Variants in LRP1B observed in about 807,000 individuals in gnomAD.
LRP1B encodes the protein LDL receptor related protein 1B.
In LRP1B, 217 loss-of-function variants were observed where a neutral mutation model predicts 556.6. That is an observed-to-expected ratio of 0.39 (90% confidence interval 0.35 to 0.44). LRP1B has a LOEUF of 0.44. LRP1B is among the 20% of genes least tolerant of loss of function. LRP1B has a pLI of 1.00. For synonymous variants in LRP1B, 2,047 were observed against 1,865.8 expected (o/e 1.10, Z -2.50); for missense variants, 5,053 against 5,620.8 (o/e 0.90, Z 3.23).
chr2:141,130,036 C>T (rs957281595), intron 7 of LRP1B, among the ~76,000 whole-genome samples: 2 of 151,662 alleles, frequency 1.3e-5, no homozygotes, highest in African/African-American at 4.8e-5. Context: ...TACAAAAAAG[C>T]CATTAAAGTA....
chr2:141,582,613 ATT>A (rs5834845), intron 2 of LRP1B, among the ~76,000 whole-genome samples: 35 of 149,422 alleles, frequency 2.3e-4, no homozygotes, highest in Non-Finnish European at 3.6e-4. Context: ...GTATTTGAAG[ATT>A]TTTTTTTTTT....
chr2:140,594,783 C>T (rs899704860), intron 43 of LRP1B, among the ~76,000 whole-genome samples: 2 of 152,026 alleles, frequency 1.3e-5, no homozygotes, highest in African/African-American at 2.4e-5. Context: ...AATAAATGTT[C>T]CCTTCTGTAA....
intron 2 of LRP1B, among the ~76,000 whole-genome samples, chr2:141,624,838 C>T (rs188634551): frequency 0.011 from 1,721 of 152,184 alleles, 37 homozygotes; most frequent in African/African-American, 0.038. Flanking sequence ...GGCGCGATCT[C>T]GGCTCACTGC....
chr2:141,477,180 A>C (rs1682744426), intron 3 of LRP1B, among the ~76,000 whole-genome samples: 1 of 151,824 alleles, frequency 6.6e-6, no homozygotes, highest in African/African-American at 2.4e-5. Context: ...AAAAAACCAC[A>C]TCCATTTTTT....
Position 141,284,561 on chromosome 2 carries a change from C to T in LRP1B, c.344-29920G>A, listed in dbSNP as rs78732729. 6.8e-3 allele frequency among the ~76,000 whole-genome samples: 1,032 copies of T among 152,222 alleles called. 10 individuals are homozygous for T. Among genetic ancestry groups the T allele is most frequent in the African/African-American group, 0.023 (974 of 41,542 alleles). On this transcript the variant is annotated intron_variant, in intron 3 of 90. Transcript: ENST00000389484. ...GTTAGGAAAATTCCCACGCACAAAGCGTAGTTAAAAGATTTCCTCTAAAAG... is the reference window on the plus strand; with the variant it reads ...GTTAGGAAAATTCCCACGCACAAAGTGTAGTTAAAAGATTTCCTCTAAAAG...
chr2:141,224,950 C>T (rs1235506835), intron 6 of LRP1B, among the ~76,000 whole-genome samples: 1 of 151,938 alleles, frequency 6.6e-6, no homozygotes, highest in East Asian at 1.9e-4. Flanking sequence ...CCTGCACATC[C>T]TGCACATGTA....
At chr2:140,889,699 A>T (rs1346170474) in intron 23 of LRP1B, among the ~76,000 whole-genome samples, 1 of 152,206 alleles carries the variant, frequency 6.6e-6, no homozygotes, top group Non-Finnish European at 1.5e-5. Flanking sequence ...ACAGAGGTAC[A>T]GAGAAATTAT....
At chr2:140,520,603 ATT>A (rs539667226) in intron 49 of LRP1B, among the ~76,000 whole-genome samples, 1 of 151,492 alleles carries the variant, frequency 6.6e-6, no homozygotes, top group Non-Finnish European at 1.5e-5. Flanking sequence ...TTAAAGTATA[ATT>A]TTTTTTGGTG....
chr2:140,339,153 C>CA (rs34676438), intron 77 of LRP1B, among the ~76,000 whole-genome samples: 2 of 151,544 alleles, frequency 1.3e-5, no homozygotes, highest in Admixed American at 6.6e-5. Flanking sequence ...TTACATCTTA[C>CA]AAAAAAAGTG....
At chr2:140,248,930 CTTAG>C (rs779938309) in intron 86 of LRP1B, among the ~76,000 whole-genome samples, 79 of 149,596 alleles carry the variant, frequency 5.3e-4, no homozygotes, top group African/African-American at 1.8e-3. Flanking sequence ...ATCCTGACTG[CTTAG>C]TTATTTCATT....
chr2:140,426,948 T>A (rs1014103850), intron 66 of LRP1B, among the ~76,000 whole-genome samples: 1 of 152,182 alleles, frequency 6.6e-6, no homozygotes, highest in Non-Finnish European at 1.5e-5. Context: ...ATTTCAAATC[T>A]GGAAAGCAGC....
chr2:140,398,427 G>A (rs1684346404), intron 66 of LRP1B, among the ~76,000 whole-genome samples: 1 of 152,072 alleles, frequency 6.6e-6, no homozygotes, highest in African/African-American at 2.4e-5. Context: ...ACAACACCTG[G>A]ACACAAACAC....
At chr2:140,954,399 C>A (rs1368463102) in intron 18 of LRP1B, among the ~76,000 whole-genome samples, 1 of 152,022 alleles carries the variant, frequency 6.6e-6, no homozygotes, top group African/African-American at 2.4e-5. Flanking sequence ...AACATTACAT[C>A]TTTTTTGACT....
At chr2:141,600,725 G>A (rs772805103) in intron 2 of LRP1B, among the ~76,000 whole-genome samples, 12 of 152,088 alleles carry the variant, frequency 7.9e-5, no homozygotes, top group Non-Finnish European at 1.6e-4. Context: ...TTTTCCTCAT[G>A]GATTCAGGGT....
At chr2:141,577,209 A>G (rs1273625504) in intron 2 of LRP1B, among the ~76,000 whole-genome samples, 1 of 152,100 alleles carries the variant, frequency 6.6e-6, no homozygotes, top group Non-Finnish European at 1.5e-5. Flanking sequence ...GATCACCTAA[A>G]TCTTTTCAAA....
chr2:141,500,635 C>A (rs1374938888), intron 2 of LRP1B, among the ~76,000 whole-genome samples: 1 of 152,042 alleles, frequency 6.6e-6, no homozygotes, highest in Non-Finnish European at 1.5e-5. Context: ...AATATTATGG[C>A]AAATTAAAGT....
intron 3 of LRP1B, among the ~76,000 whole-genome samples, chr2:141,340,762 GT>G (rs1191516358): frequency 6.6e-6 from 1 of 152,134 alleles, no homozygotes; most frequent in Non-Finnish European, 1.5e-5. Flanking sequence ...CCCTTGAAAA[GT>G]AGTCTTCTTT....
intron 6 of LRP1B, among the ~76,000 whole-genome samples, chr2:141,220,449 G>A (rs561489967): frequency 1.8e-4 from 27 of 152,016 alleles, no homozygotes; most frequent in South Asian, 1.7e-3. Flanking sequence ...TGACTGATGC[G>A]GTACCTGAAA....
At chr2:141,494,231 T>G (rs1240362479) in intron 2 of LRP1B, among the ~76,000 whole-genome samples, 1 of 152,182 alleles carries the variant, frequency 6.6e-6, no homozygotes, top group African/African-American at 2.4e-5. Context: ...TGTCTTTCCA[T>G]TTTTCAGCCT....
Sources: allele counts gnomAD v4.1 joint callset (sites outside exome capture counted in the v4.1 genomes callset), GRCh38; gene constraint gnomAD v4.1.1; transcripts MANE v1.5; gene names NCBI Gene and HGNC (gene_info 2026-07-23, HGNC 2026-07-21).